The following KAT6A variants were observed in gnomAD, a reference collection of about 807,000 sequenced individuals.
KAT6A encodes lysine acetyltransferase 6A.
Under a neutral mutation model 198.4 loss-of-function variants are expected in KAT6A, and 9 were observed. That is an observed-to-expected ratio of 0.05 (90% CI 0.03 to 0.08). The LOEUF (loss-of-function observed/expected upper bound fraction) is 0.08. Ranked by LOEUF, KAT6A falls within the 10% of genes least tolerant of loss-of-function variation. The pLI is 1.00. For synonymous variants in KAT6A, 890 were observed against 883.0 expected, an observed-to-expected ratio of 1.01 and a Z score of -0.14; for missense variants, 2,077 against 2,509.9, an observed-to-expected ratio of 0.83 and a Z score of 3.69.
At chr8:42,025,689 C>T (rs1826778241) in intron 2 of KAT6A, among the ~76,000 whole-genome samples, 1 of 152,102 alleles carries the variant, frequency 6.6e-6, no homozygotes, top group Admixed American at 6.6e-5. Context: ...CAAATATTTT[C>T]TCCCAATCTA....
At chr8:41,950,683 T>C (rs1822623967) in intron 9 of KAT6A, among the ~76,000 whole-genome samples, 1 of 152,192 alleles carries the variant, frequency 6.6e-6, no homozygotes, top group South Asian at 2.1e-4. Context: ...TAAAAAACAG[T>C]GACAGACCAT....
At chr8:42,051,394 C>T (rs1249125972) in intron 1 of KAT6A, among the ~76,000 whole-genome samples, 1 of 151,462 alleles carries the variant, frequency 6.6e-6, no homozygotes, top group Non-Finnish European at 1.5e-5. Flanking sequence ...GAGCCAAAGC[C>T]GGAGCCGGAA....
chr8:42,040,735 CAAAAAAAAAAAAA>C (rs59959496), intron 2 of KAT6A, among the ~76,000 whole-genome samples: 2 of 54,666 alleles, frequency 3.7e-5, no homozygotes, highest in Non-Finnish European at 6.7e-5. Flanking sequence ...GACTCTGTCT[CAAAAAAAAAAAAA>C]AAAAAAAAAA....
intron 3 of KAT6A, among the ~76,000 whole-genome samples, chr8:41,986,834 TTGAGACCAGCC>T (rs1387389456): frequency 1.3e-5 from 2 of 152,076 alleles, no homozygotes; most frequent in African/African-American, 4.8e-5. Context: ...GGTCGGGAGT[TTGAGACCAGCC>T]TGGCCAATAT....
At chr8:41,957,764 T>C (rs1276751475) in intron 8 of KAT6A, 1 of 154,940 alleles carries the variant, frequency 6.5e-6, no homozygotes, top group Non-Finnish European at 1.4e-5. Context: ...ATAATAAAGC[T>C]TTTATTACCA....
At chr8:42,010,319 C>T (rs1482829206) in intron 2 of KAT6A, among the ~76,000 whole-genome samples, 1 of 151,924 alleles carries the variant, frequency 6.6e-6, no homozygotes, top group African/African-American at 2.4e-5. Context: ...TGACAATAGG[C>T]CAGAAGACTG....
chr8:41,938,700 A>AC lies in KAT6A; in HGVS notation c.3040-1133dup, dbSNP rs1027823609. Among the ~76,000 whole-genome samples the AC allele has an allele frequency of 1.8e-4, 27 of 152,092 alleles. 1 individual carries two copies. The highest frequency in any genetic ancestry group is 5.8e-4 in the African/African-American group (24 of 41,418). On this transcript the variant is annotated intron_variant, in intron 15 of 16. Coordinates refer to ENST00000265713, the MANE Select transcript of KAT6A (RefSeq NM_006766.5). ...GGTGGCTCACACCTGTAATCCCAGCACCTTGGAGGCCAAGGCAGGTGGACC... is the reference window on the plus strand; with the variant it reads ...GGTGGCTCACACCTGTAATCCCAGCACCCTTGGAGGCCAAGGCAGGTGGACC...
intron 2 of KAT6A, among the ~76,000 whole-genome samples, chr8:41,999,487 CTT>C (rs1389137591): frequency 6.6e-6 from 1 of 152,110 alleles, no homozygotes; most frequent in African/African-American, 2.4e-5. Flanking sequence ...TCCCTCTACT[CTT>C]TCTTTGACTT....
At chr8:42,021,039 T>C (rs1826505142) in intron 2 of KAT6A, among the ~76,000 whole-genome samples, 1 of 152,150 alleles carries the variant, frequency 6.6e-6, no homozygotes, top group Admixed American at 6.5e-5. Flanking sequence ...CTGTCCTTGT[T>C]ACTGTTCTTT....
chr8:41,946,538 A>ACT, intron 12 of KAT6A, 53 bp downstream of exon 12: 2 of 882,138 alleles, frequency 2.3e-6, no homozygotes, highest in East Asian at 4.9e-5. Flanking sequence ...ACACACACAC[A>ACT]CACAGAGAAG....
chr8:42,049,409 C>A, intron 1 of KAT6A, 107 bp from the exon 2 acceptor site: 1 of 196,276 alleles, frequency 5.1e-6, no homozygotes. Context: ...ACTAGGCACC[C>A]TTAAGAATTT....
rs753662262 is a variant in KAT6A, at chr8:41,932,225, C to T, written c.5995G>A (p.Gly1999Arg). ...AAGVPKQSLN[G>R]PYMRR ...CTTGCTCATCTTCTCATGTAAGGTC[C>T]GTTGAGTGACTGCTTGGGCACGCCA... The change falls in exon 17 of 17, where the codon GGA becomes AGA. Residue 1999 changes from glycine to arginine, a missense_variant. Transcript: ENST00000265713. 1.9e-6 allele frequency: 3 copies of T among 1,604,032 alleles called. No individual in the cohort carries two copies. The highest frequency in any genetic ancestry group is 1.7e-6 in the Non-Finnish European group (2 of 1,174,838).
intron 8 of KAT6A, among the ~76,000 whole-genome samples, chr8:41,974,088 T>C (rs1385369215): frequency 6.6e-6 from 1 of 152,048 alleles, no homozygotes; most frequent in Non-Finnish European, 1.5e-5. Flanking sequence ...CAATTTTTTT[T>C]TTTTTGGAAG....
chr8:42,006,995 C>CAAAAAAAAA, intron 2 of KAT6A, among the ~76,000 whole-genome samples: 1 of 88,202 alleles, frequency 1.1e-5, no homozygotes. Flanking sequence ...GACTCCATCT[C>CAAAAAAAAA]AAAAAAAAAA....
chr8:41,964,951 A>G (rs1193934699), intron 8 of KAT6A, among the ~76,000 whole-genome samples: 8 of 152,216 alleles, frequency 5.3e-5, no homozygotes, highest in Non-Finnish European at 1.2e-4. Flanking sequence ...AACTGAAACC[A>G]TGGAAAGCAA....
chr8:42,004,909 CAA>C (rs1443548711), intron 2 of KAT6A, among the ~76,000 whole-genome samples: 2 of 150,642 alleles, frequency 1.3e-5, no homozygotes, highest in Non-Finnish European at 3.0e-5. Context: ...GCCTGGGCGA[CAA>C]GAGTGAAACT....
Position 41,931,463 on chromosome 8 carries a change from T to C in KAT6A, c.*742A>G, listed in dbSNP as rs1046557200. Reference sequence around the variant, plus strand: ...TCTCTGAGTGCTGAGTGGGAATATTTTAAAAAAGAAGAAAAAAATTATATT... The same window carrying C: ...TCTCTGAGTGCTGAGTGGGAATATTCTAAAAAAGAAGAAAAAAATTATATT... On this transcript the variant is annotated 3_prime_UTR_variant, in exon 17 of 17. Coordinates refer to ENST00000265713, the MANE Select transcript of KAT6A (RefSeq NM_006766.5). 4.8e-6 allele frequency: 1 copy of C among 206,628 alleles called. No individual in the cohort carries two copies. The highest frequency in any genetic ancestry group is 2.3e-5 in the African/African-American group (1 of 43,770). 12.8% of individuals were successfully genotyped at this position (206,628 alleles called of 1,614,324 possible).
intron 8 of KAT6A, among the ~76,000 whole-genome samples, chr8:41,966,943 G>A (rs1430675744): frequency 6.6e-6 from 1 of 152,122 alleles, no homozygotes; most frequent in Non-Finnish European, 1.5e-5. Flanking sequence ...AATAGTGTTG[G>A]TTTCCTCATA....
At chr8:42,044,598 A>C (rs1827821859) in intron 2 of KAT6A, among the ~76,000 whole-genome samples, 1 of 152,210 alleles carries the variant, frequency 6.6e-6, no homozygotes, top group Non-Finnish European at 1.5e-5. Context: ...TATCACCAAA[A>C]AAAAACAAAA....
Sources: gnomAD v4.1 joint callset for allele counts (sites outside exome capture counted in the v4.1 genomes callset) on GRCh38, gnomAD v4.1.1 for gene constraint, MANE v1.5 for transcripts, NCBI Gene and HGNC (gene_info 2026-07-23, HGNC 2026-07-21) for gene names.